Variants in RORA observed in about 807,000 individuals in gnomAD.
RORA encodes the protein RAR related orphan receptor A, also known as nuclear receptor ROR-alpha.
Under a neutral mutation model 69.5 loss-of-function variants are expected in RORA, and 7 were observed. That is an observed-to-expected ratio of 0.10 (90% CI 0.06 to 0.19). The LOEUF is 0.19. Ranked by LOEUF, RORA falls within the 10% of genes least tolerant of loss-of-function variation. The pLI, the probability that RORA is intolerant of heterozygous loss-of-function variation, is 1.00. For missense variants in RORA, 457 were observed against 663.0 expected (o/e 0.69, Z 3.41); for synonymous variants, 261 against 240.8 (o/e 1.08, Z -0.78).
chr15:60,725,189 C>T (rs2071341616), intron 1 of RORA, among the ~76,000 whole-genome samples: 1 of 152,170 alleles, frequency 6.6e-6, no homozygotes, highest in South Asian at 2.1e-4. Context: ...CGAGTTTAGG[C>T]ATTTCAATGT....
intron 1 of RORA, among the ~76,000 whole-genome samples, chr15:60,720,879 T>G (rs1177084061): frequency 1.3e-5 from 2 of 152,134 alleles, no homozygotes; most frequent in African/African-American, 2.4e-5. Flanking sequence ...ATATTTCGAC[T>G]GGGGGCTTCC....
At chr15:60,646,320 T>G (rs1365057766) in intron 2 of RORA, among the ~76,000 whole-genome samples, 1 of 152,244 alleles carries the variant, frequency 6.6e-6, no homozygotes, top group Non-Finnish European at 1.5e-5. Flanking sequence ...TCACCTTATC[T>G]ATGGAACCTT....
At chr15:61,012,310 T>C (rs576071210) in intron 1 of RORA, among the ~76,000 whole-genome samples, 13 of 152,354 alleles carry the variant, frequency 8.5e-5, no homozygotes, top group South Asian at 2.1e-4. Context: ...TTTGTTCCTA[T>C]AGGGCACCCA....
rs1456249596 is a variant in RORA at position 61,106,558 on chromosome 15, C to T, written c.166+122495G>A. On this transcript the variant is annotated intron_variant, in intron 1 of 10. Transcript: ENST00000335670. The stretch of plus-strand genomic sequence containing the variant: ...TCACCCATGAAGGCCTTGGTCAAAT[C>T]ACACAACCCCCATGAAGCCTTCCTT... Among the ~76,000 whole-genome samples, 5 of 152,272 alleles carry T rather than the reference C, an allele frequency of 3.3e-5. No homozygotes were observed. In the East Asian group the frequency reaches 7.7e-4, roughly 24 times the overall value.
intron 3 of RORA, among the ~76,000 whole-genome samples, chr15:60,517,054 G>C (rs1422844857): frequency 1.4e-5 from 2 of 148,126 alleles, no homozygotes; most frequent in Non-Finnish European, 1.5e-5. Flanking sequence ...GCCCCAAATT[G>C]TTGGCAGTAG....
Position 60,835,869 on chromosome 15 carries a change from C to T in RORA, c.167-157183G>A, listed in dbSNP as rs144508411. Among the ~76,000 whole-genome samples, 259 of 152,318 alleles carry T rather than the reference C, an allele frequency of 1.7e-3. 1 individual carries two copies. The highest frequency in any genetic ancestry group is 0.014 in the East Asian group (74 of 5,192). On this transcript the variant is annotated intron_variant, in intron 1 of 10. Coordinates refer to ENST00000335670, the MANE Select transcript of RORA (RefSeq NM_134261.3). ...AAAATATTATTAATTCACCTTACCTCCAAGAATTGGCATTGATATGAAAAC... is the reference window on the plus strand; with the variant it reads ...AAAATATTATTAATTCACCTTACCTTCAAGAATTGGCATTGATATGAAAAC...
chr15:61,129,000 A>T lies in RORA; in HGVS notation c.166+100053T>A, dbSNP rs2079167088. ...AATAATAACTAGTGTCATGAATTAA[A>T]ATAGCTGAAAATAATTTTTAAAAAT... On this transcript the variant is annotated intron_variant, in intron 1 of 10. Transcript: ENST00000335670. The surrounding 1 kb of genome is among the most constrained non-coding windows in gnomAD (Gnocchi z 4.5). Among the ~76,000 whole-genome samples, 1 of 152,254 alleles carries T rather than the reference A, an allele frequency of 6.6e-6. No individual in the cohort carries two copies. The highest frequency in any genetic ancestry group is 2.1e-4 in the South Asian group (1 of 4,836).
rs530915418 is a variant in RORA at position 61,177,804 on chromosome 15, T to C, written c.166+51249A>G. On this transcript the variant is annotated intron_variant, in intron 1 of 10. Transcript: ENST00000335670. ...GGTGAGATCTCGTCTCTACTAAAAA[T>C]ACAAAAAATTAGCCAAGTGTGGTGG... 3.8e-4 allele frequency among the ~76,000 whole-genome samples: 58 copies of C among 151,338 alleles called. 1 individual carries two copies. The South Asian group carries it at 5.5e-3, about 14-fold the overall frequency.
intron 1 of RORA, among the ~76,000 whole-genome samples, chr15:61,034,479 T>C (rs1052607134): frequency 6.6e-6 from 1 of 152,162 alleles, no homozygotes; most frequent in Non-Finnish European, 1.5e-5. Context: ...TGTTATTCCC[T>C]GTTAAAAAAC....
At chr15:60,572,191 G>C (rs192382977) in intron 2 of RORA, among the ~76,000 whole-genome samples, 45 of 152,320 alleles carry the variant, frequency 3.0e-4, no homozygotes, top group African/African-American at 1.1e-3. Flanking sequence ...AATGTAGAAA[G>C]CAGGTCAGTG....
chr15:61,081,076 T>C (rs2078532028), intron 1 of RORA, among the ~76,000 whole-genome samples: 1 of 152,184 alleles, frequency 6.6e-6, no homozygotes, highest in Non-Finnish European at 1.5e-5. Context: ...TCAAAGTACC[T>C]CGTTCTGCCC....
chr15:61,150,101 C>T (rs1002336866), intron 1 of RORA, among the ~76,000 whole-genome samples: 1 of 152,174 alleles, frequency 6.6e-6, no homozygotes, highest in East Asian at 1.9e-4. Context: ...TGTGGAGAGA[C>T]AGGACTAACA....
intron 2 of RORA, among the ~76,000 whole-genome samples, chr15:60,548,740 C>A (rs544135252): frequency 9.9e-5 from 15 of 152,270 alleles, no homozygotes; most frequent in African/African-American, 3.4e-4. Context: ...CAGGTTCACA[C>A]CATTCTCCTG....
chr15:60,948,897 G>A (rs1194145228), intron 1 of RORA, among the ~76,000 whole-genome samples: 1 of 152,248 alleles, frequency 6.6e-6, no homozygotes, highest in Non-Finnish European at 1.5e-5. Context: ...TCAGGCAGGA[G>A]AGGAATCAAT....
chr15:60,664,434 A>G (rs1467289163), intron 2 of RORA, among the ~76,000 whole-genome samples: 1 of 152,186 alleles, frequency 6.6e-6, no homozygotes, highest in East Asian at 1.9e-4. Flanking sequence ...AAAGACTCCC[A>G]TCTGAGAAAG....
At chr15:60,997,544 T>C (rs182513834) in intron 1 of RORA, among the ~76,000 whole-genome samples, 1 of 152,258 alleles carries the variant, frequency 6.6e-6, no homozygotes, top group East Asian at 1.9e-4. Flanking sequence ...CAAAAATTGT[T>C]TTTCCCCTGA....
intron 1 of RORA, among the ~76,000 whole-genome samples, chr15:60,910,920 T>G (rs1459716796): frequency 7.4e-6 from 1 of 135,672 alleles, no homozygotes; most frequent in African/African-American, 2.6e-5. Context: ...TTTTTTTTTT[T>G]GAGATGGAGT....
chr15:61,158,517 A>T (rs894801591), intron 1 of RORA, among the ~76,000 whole-genome samples: 1 of 152,190 alleles, frequency 6.6e-6, no homozygotes, highest in Non-Finnish European at 1.5e-5. Flanking sequence ...ATTACTTCCT[A>T]GGTGGCTGCC....
At chr15:60,800,561 T>C (rs1040364377) in intron 1 of RORA, among the ~76,000 whole-genome samples, 9 of 152,188 alleles carry the variant, frequency 5.9e-5, no homozygotes, top group Non-Finnish European at 8.8e-5. Flanking sequence ...GGGACAGCAC[T>C]GTGAGAGGAG....
Sources: allele counts gnomAD v4.1 joint callset (sites outside exome capture counted in the v4.1 genomes callset), GRCh38; gene constraint gnomAD v4.1.1; non-coding constraint Gnocchi (gnomAD v3.1); transcripts MANE v1.5; gene names NCBI Gene and HGNC (gene_info 2026-07-23, HGNC 2026-07-21).